Variants in ELP4 observed in about 807,000 individuals in gnomAD.
The protein encoded by ELP4 is elongator complex protein 4.
Under a neutral mutation model 48.9 loss-of-function variants are expected in ELP4, and 51 were observed. The observed-to-expected ratio is 1.04, with a 90% CI of 0.83 to 1.32. The LOEUF (loss-of-function observed/expected upper bound fraction) is 1.32. Ranked by LOEUF, ELP4 falls within the 40% of genes most tolerant of loss-of-function variation. The pLI, the probability that ELP4 is intolerant of heterozygous loss-of-function variation, is 0.00. For synonymous variants in ELP4, 210 were observed against 189.2 expected (o/e 1.11, Z -0.90); for missense variants, 519 against 514.6 (o/e 1.01, Z -0.08).
chr11:31,594,795 A>G lies in ELP4; in HGVS notation c.407A>G (p.Asp136Gly). 1.3e-6 allele frequency: 2 copies of G among 1,528,128 alleles called. No homozygotes were observed. Among genetic ancestry groups the G allele is most frequent in the Non-Finnish European group, 1.7e-6 (2 of 1,145,932 alleles). 94.7% of individuals were successfully genotyped at this position (1,528,128 alleles called of 1,614,324 possible). A position where few individuals can be genotyped will look rare whatever the true frequency, so the allele number is the denominator to read the frequency against. The change falls in exon 4 of 10, where the codon GAT (aspartate) becomes GGT (glycine). Residue 136 changes from aspartate (D) to glycine (G), a missense_variant. Physicochemically the swap from Asp to Gly is moderately conservative, Grantham distance 94. Coordinates refer to ENST00000640961, the MANE Select transcript of ELP4 (RefSeq NM_019040.5). ...LQELPAPLLDDKCKKEFDEDV... is the reference protein window; with the variant it reads ...LQELPAPLLDGKCKKEFDEDV... ...GAACTTCCAGCACCATTACTTGATG[A>G]TAAATGTAAAAAGGAATTTGATGAA...
At chr11:31,548,810 A>G (rs1222322077) in intron 3 of ELP4, among the ~76,000 whole-genome samples, 2 of 152,230 alleles carry the variant, frequency 1.3e-5, no homozygotes, top group South Asian at 4.1e-4. Flanking sequence ...GGAACAGAAC[A>G]GAGCCCTCAG....
intron 2 of ELP4, among the ~76,000 whole-genome samples, chr11:31,525,284 A>C (rs1211942186): frequency 6.6e-6 from 1 of 152,212 alleles, no homozygotes; most frequent in Non-Finnish European, 1.5e-5. Flanking sequence ...TAAAGGACTG[A>C]AATAGGACAA....
intron 1 of ELP4, among the ~76,000 whole-genome samples, chr11:31,516,604 T>A (rs1206873389): frequency 6.6e-6 from 1 of 152,214 alleles, no homozygotes; most frequent in Non-Finnish European, 1.5e-5. Flanking sequence ...CAATTGATCC[T>A]CCTTCCACAG....
chr11:31,781,429 T>C (rs1298934660), intron 9 of ELP4, among the ~76,000 whole-genome samples: 2 of 141,616 alleles, frequency 1.4e-5, no homozygotes, highest in Non-Finnish European at 3.1e-5. Flanking sequence ...GAATTAACCC[T>C]ACACAGACAT....
intron 9 of ELP4, chr11:31,727,973 A>G (rs1332481945): frequency 6.6e-6 from 1 of 152,164 alleles, no homozygotes. Flanking sequence ...TTTTCAATTT[A>G]AAGAGGCTCA....
chr11:31,554,050 T>G (rs1164032822), intron 3 of ELP4, among the ~76,000 whole-genome samples: 1 of 152,166 alleles, frequency 6.6e-6, no homozygotes, highest in Admixed American at 6.5e-5. Context: ...GGTTACGCAC[T>G]CCGAATGAGA....
Position 31,673,590 on chromosome 11 carries a change from A to C in ELP4, c.1143+23369A>C, listed in dbSNP as rs1945855633. 2.0e-5 allele frequency among the ~76,000 whole-genome samples: 3 copies of C among 152,156 alleles called. No homozygotes were observed. In the South Asian group the frequency reaches 6.2e-4, roughly 32 times the overall value. On this transcript the variant is annotated intron_variant, in intron 9 of 9. Coordinates refer to ENST00000640961, the MANE Select transcript of ELP4 (RefSeq NM_019040.5). ...GCAATCCTCCTCCCTCAGCCTCCCA[A>C]AATGTTGGGATTACAGGCATGAGCC...
chr11:31,588,049 A>G (rs905910286), intron 3 of ELP4, among the ~76,000 whole-genome samples: 14 of 147,938 alleles, frequency 9.5e-5, no homozygotes, highest in African/African-American at 2.7e-4. Context: ...TTTAAAACAT[A>G]TATGTTTCTG....
At chr11:31,566,091 C>T (rs1042684700) in intron 3 of ELP4, among the ~76,000 whole-genome samples, 5 of 151,852 alleles carry the variant, frequency 3.3e-5, no homozygotes, top group Admixed American at 2.6e-4. Flanking sequence ...GCTTAAGGCT[C>T]ATATAAGTGT....
At chr11:31,607,960 A>G (rs950618110) in intron 5 of ELP4, among the ~76,000 whole-genome samples, 1 of 152,074 alleles carries the variant, frequency 6.6e-6, no homozygotes, top group African/African-American at 2.4e-5. Context: ...CAGTAAGTCA[A>G]TCAAGGCCTT....
At chr11:31,546,052 G>A (rs563677080) in intron 3 of ELP4, among the ~76,000 whole-genome samples, 228 of 151,978 alleles carry the variant, frequency 1.5e-3, no homozygotes, top group Admixed American at 2.7e-3. Context: ...AAAGACCATC[G>A]AGACTAGGAA....
chr11:31,739,231 C>CT (rs1947393783), intron 9 of ELP4, among the ~76,000 whole-genome samples: 1 of 152,146 alleles, frequency 6.6e-6, no homozygotes, highest in Admixed American at 6.5e-5. Context: ...TTCTCTGAGA[C>CT]TAAACATTTC....
intron 3 of ELP4, among the ~76,000 whole-genome samples, chr11:31,590,486 G>A (rs1273044244): frequency 1.3e-5 from 2 of 152,080 alleles, no homozygotes; most frequent in Non-Finnish European, 1.5e-5. Context: ...ATAAACCTTC[G>A]TGACTTCGAA....
intron 9 of ELP4, among the ~76,000 whole-genome samples, chr11:31,720,636 G>A (rs762168405): frequency 1.3e-5 from 2 of 152,170 alleles, no homozygotes; most frequent in Non-Finnish European, 2.9e-5. Flanking sequence ...CACGTTAACT[G>A]AGAGGAGTAC....
chr11:31,748,544 C>T (rs1947649635), intron 9 of ELP4, among the ~76,000 whole-genome samples: 1 of 151,996 alleles, frequency 6.6e-6, no homozygotes, highest in Non-Finnish European at 1.5e-5. Context: ...CACACCTGGT[C>T]GTAAACCAAG....
chr11:31,744,835 A>C (rs1947544223), intron 9 of ELP4, among the ~76,000 whole-genome samples: 2 of 152,178 alleles, frequency 1.3e-5, no homozygotes, highest in Non-Finnish European at 2.9e-5. Context: ...GGCACAAGAC[A>C]GGGATGCCCT....
At chr11:31,768,248 AACAC>A (rs915801087) in intron 9 of ELP4, among the ~76,000 whole-genome samples, 11 of 152,236 alleles carry the variant, frequency 7.2e-5, no homozygotes, top group African/African-American at 2.4e-4. Context: ...AAATAGGCAA[AACAC>A]ACACAACAGC....
rs1948531979 is a variant in ELP4 at position 31,785,355 on chromosome 11, A to G, written c.*1831A>G. On this transcript the variant is annotated 3_prime_UTR_variant, in exon 10 of 10. Coordinates refer to ENST00000640961, the MANE Select transcript of ELP4 (RefSeq NM_019040.5). Reference sequence around the variant, plus strand: ...TACATAGCATTTGACTTGCTGAAAAAGAGATACGAGGTCATCAGATATGTA... The same window carrying G: ...TACATAGCATTTGACTTGCTGAAAAGGAGATACGAGGTCATCAGATATGTA... The G allele has an allele frequency of 5.4e-6, 1 of 184,226 alleles. No homozygotes were observed. The allele number at this position is 184,226 out of a possible 1,614,324, so 11.4% of individuals were successfully genotyped here. A position where few individuals can be genotyped will look rare whatever the true frequency, so the allele number is the denominator to read the frequency against.
rs555538947 is a variant in ELP4, at chr11:31,720,373, G to T, written c.1144-63020G>T. ...TACATTATTCATGGAATCATGAAGG[G>T]TCACTATTGTCTGCCCAGTCCCAAG... On this transcript the variant is annotated intron_variant, in intron 9 of 9. Transcript: ENST00000640961. Among the ~76,000 whole-genome samples, 17 of 151,968 alleles carry T rather than the reference G, an allele frequency of 1.1e-4. No individual in the cohort carries two copies. In the East Asian group the frequency reaches 3.1e-3, roughly 28 times the overall value.
Sources: allele counts gnomAD v4.1 joint callset (sites outside exome capture counted in the v4.1 genomes callset), GRCh38; gene constraint gnomAD v4.1.1; transcripts MANE v1.5; gene names NCBI Gene and HGNC (gene_info 2026-07-23, HGNC 2026-07-21).